The following ZC3H3 variants were observed in gnomAD, a reference collection of about 807,000 sequenced individuals.
The protein encoded by ZC3H3 is zinc finger CCCH-type containing 3, also known as zinc finger CCCH domain-containing protein 3.
ZC3H3 carries 36 observed loss-of-function variants against 77.3 expected under a neutral mutation model. That is an observed-to-expected ratio of 0.47 (90% CI 0.36 to 0.61). The LOEUF is 0.61. Ranked by LOEUF, ZC3H3 falls within the 20% of genes least tolerant of loss-of-function variation. The pLI is 0.00. For missense variants in ZC3H3, 1,331 were observed against 1,312.2 expected, an observed-to-expected ratio of 1.01 and a Z score of -0.22; for synonymous variants, 626 against 555.2, an observed-to-expected ratio of 1.13 and a Z score of -1.79.
intron 4 of ZC3H3, among the ~76,000 whole-genome samples, chr8:143,502,685 G>A (rs867657607): frequency 6.6e-6 from 1 of 152,242 alleles, no homozygotes; most frequent in African/African-American, 2.4e-5. Flanking sequence ...AGCAGTTAGG[G>A]ATATAAGTCA....
chr8:143,534,219 T>G (rs1822714677), intron 3 of ZC3H3, among the ~76,000 whole-genome samples: 1 of 150,908 alleles, frequency 6.6e-6, no homozygotes, highest in South Asian at 2.1e-4. Context: ...TGCAATGAGC[T>G]GTGACTGCAC....
Position 143,453,730 on chromosome 8 carries a change from C to T in ZC3H3, c.2307+11987G>A, listed in dbSNP as rs867773362. On this transcript the variant is annotated intron_variant, in intron 9 of 11. Transcript: ENST00000262577. ...ACATACCAGACTTTCCATCTCTTCC[C>T]CAGTTTTTAAAATTATGTTTGATGA... 2.0e-5 allele frequency among the ~76,000 whole-genome samples: 3 copies of T among 152,158 alleles called. No homozygotes were observed. The South Asian group carries it at 6.2e-4, about 32-fold the overall frequency.
chr8:143,518,884 G>C (rs1586950465), intron 3 of ZC3H3, among the ~76,000 whole-genome samples: 1 of 152,376 alleles, frequency 6.6e-6, no homozygotes, highest in East Asian at 1.9e-4. Flanking sequence ...CCCTGGCCTT[G>C]ACCGGGGTGG....
intron 2 of ZC3H3, 68 bp from the exon 3 acceptor site, chr8:143,536,521 C>A: frequency 7.7e-6 from 11 of 1,423,488 alleles, no homozygotes; most frequent in Non-Finnish European, 9.2e-6. Context: ...CCTTCCTCAC[C>A]AGGACCCGAG....
chr8:143,438,586 G>A (rs1230497859), intron 11 of ZC3H3, among the ~76,000 whole-genome samples: 2 of 152,144 alleles, frequency 1.3e-5, no homozygotes, highest in African/African-American at 4.8e-5. Flanking sequence ...GGTGAGGCGG[G>A]CAGGGCCTGG....
chr8:143,448,905 A>G (rs990576962), intron 9 of ZC3H3, among the ~76,000 whole-genome samples: 1 of 152,148 alleles, frequency 6.6e-6, no homozygotes, highest in South Asian at 2.1e-4. Flanking sequence ...CTGAACCACA[A>G]CTCTTGCACT....
chr8:143,525,906 C>T (rs1822396276), intron 3 of ZC3H3, among the ~76,000 whole-genome samples: 1 of 152,256 alleles, frequency 6.6e-6, no homozygotes, highest in African/African-American at 2.4e-5. Flanking sequence ...GGATGCCACG[C>T]CTGCCACACA....
At chr8:143,536,571 A>G in intron 2 of ZC3H3, 118 bp from the exon 3 acceptor site, 1 of 1,120,750 alleles carries the variant, frequency 8.9e-7, no homozygotes. Flanking sequence ...ACCAGGCCAC[A>G]GCGGGTCCTT....
rs901627429 is a variant in ZC3H3 at position 143,536,640 on chromosome 8, A to G, written c.1365-187T>C. ...CTGCCCACCCTCCACAGCCAGGCTG[A>G]GGCGGCAGGCTTGGATCCACAATCC... On this transcript the variant is annotated intron_variant, in intron 2 of 11. Transcript: ENST00000262577. 6.6e-5 allele frequency among the ~76,000 whole-genome samples: 10 copies of G among 152,206 alleles called. No homozygotes were observed. In the East Asian group the frequency reaches 1.9e-3, roughly 29 times the overall value.
At chr8:143,528,470 A>G (rs1447700810) in intron 3 of ZC3H3, among the ~76,000 whole-genome samples, 2 of 152,174 alleles carry the variant, frequency 1.3e-5, no homozygotes, top group African/African-American at 4.8e-5. Context: ...CCTCCCGGGG[A>G]GATCGCCAGG....
chr8:143,441,080 C>T lies in ZC3H3; in HGVS notation c.2348G>A (p.Arg783His), dbSNP rs1009660009. ...KHTLLCPDFA[R>H]RGACPRGAQC... is the part of the protein sequence containing the mutation. ...GGCGCCGCGGGGACACGCCCCCCTG[C>T]GGGCAAAGTCGGGGCACAGCAGCGT... The change falls in exon 10 of 12, where the codon CGC (arginine) becomes CAC (histidine). Residue 783 changes from arginine to histidine, a missense_variant. Arg to His is a conservative substitution (Grantham distance 29, BLOSUM62 0). This residue lies in a region of ZC3H3 where 249 missense variants were observed against 236.9 expected (regional missense o/e 1.05). Coordinates refer to ENST00000262577, the MANE Select transcript of ZC3H3 (RefSeq NM_015117.3). 6.8e-6 allele frequency: 10 copies of T among 1,462,876 alleles called. No individual in the cohort carries two copies. The highest frequency in any genetic ancestry group is 2.8e-5 in the South Asian group (2 of 70,534). The allele number at this position is 1,462,876 out of a possible 1,614,324, so 90.6% of individuals were successfully genotyped here.
intron 3 of ZC3H3, among the ~76,000 whole-genome samples, chr8:143,516,525 TCACACACACACACACACACACACACACA>T (rs57359541): frequency 7.1e-6 from 1 of 139,918 alleles, no homozygotes; most frequent in Non-Finnish European, 1.5e-5. Flanking sequence ...AACTTTGCAA[TCACACACACACACACACACACACACACA>T]CACACACACA....
At chr8:143,471,843 A>G (rs1820574564) in intron 5 of ZC3H3, among the ~76,000 whole-genome samples, 1 of 152,204 alleles carries the variant, frequency 6.6e-6, no homozygotes, top group Non-Finnish European at 1.5e-5. Context: ...TTCTTTAATT[A>G]TTATTCCTCT....
chr8:143,521,097 C>T (rs937360785), intron 3 of ZC3H3, among the ~76,000 whole-genome samples: 1 of 152,130 alleles, frequency 6.6e-6, no homozygotes, highest in African/African-American at 2.4e-5. Flanking sequence ...GGCCCGGCCC[C>T]GCCACAGCCC....
chr8:143,512,151 C>T (rs938165560), intron 3 of ZC3H3, among the ~76,000 whole-genome samples: 2 of 152,354 alleles, frequency 1.3e-5, no homozygotes, highest in East Asian at 3.9e-4. Flanking sequence ...GGAGAGCGAG[C>T]AGGGAAGGGG....
chr8:143,538,828 CT>C lies in ZC3H3; in HGVS notation c.538del (p.Arg180GlyfsTer23). The C allele has an allele frequency of 6.2e-7, 1 of 1,612,280 alleles. No individual in the cohort carries two copies. The highest frequency in any genetic ancestry group is 8.5e-7 in the Non-Finnish European group (1 of 1,179,688). The part of the protein sequence containing the change: ...QLQPSRPTRA[R>X]GTCSVEDPLL... ...AGGATCTTCCACACTGCAGGTCCCC[CT>C]GGCTCTTGTTGGCCTCGAGGGCTGC... On this transcript the variant is annotated frameshift_variant, in exon 2 of 12. Coordinates refer to ENST00000262577, the MANE Select transcript of ZC3H3 (RefSeq NM_015117.3). LOFTEE classifies it high-confidence loss of function.
rs545818265 is a variant in ZC3H3 at position 143,497,318 on chromosome 8, C to A, written c.1715+10428G>T. Among the ~76,000 whole-genome samples, 3 of 152,290 alleles carry A rather than the reference C, an allele frequency of 2.0e-5. No individual in the cohort carries two copies. In the South Asian group the frequency reaches 6.2e-4, roughly 32 times the overall value. ...CCTGCCCCAAGGCTTCTGCATCCAC[C>A]TGTCCATCAAGCAGCACCGCCTTCC... is the stretch of plus-strand genomic sequence containing the variant. On this transcript the variant is annotated intron_variant, in intron 4 of 11. Transcript: ENST00000262577.
chr8:143,477,333 G>A (rs1820764359), intron 4 of ZC3H3, among the ~76,000 whole-genome samples: 1 of 152,186 alleles, frequency 6.6e-6, no homozygotes, highest in Non-Finnish European at 1.5e-5. Flanking sequence ...CCACCAAGGG[G>A]CCTGGCAGTG....
chr8:143,536,874 T>G (rs1353750421), intron 2 of ZC3H3, among the ~76,000 whole-genome samples: 1 of 151,960 alleles, frequency 6.6e-6, no homozygotes, highest in African/African-American at 2.4e-5. Context: ...AGGGGGCAGC[T>G]TCTCCACGCT....
Sources: gnomAD v4.1 joint callset for allele counts (sites outside exome capture counted in the v4.1 genomes callset) on GRCh38, gnomAD v4.1.1 for gene constraint, gnomAD v4.1.1 regional missense constraint, MANE v1.5 for transcripts, NCBI Gene and HGNC (gene_info 2026-07-23, HGNC 2026-07-21) for gene names.